KMT2C: variants seen among roughly 807,000 people sequenced by gnomAD.
KMT2C encodes histone-lysine N-methyltransferase 2C.
A neutral mutation model predicts 507.9 loss-of-function variants in KMT2C; 88 were observed. That is an observed-to-expected ratio of 0.17 (90% CI 0.15 to 0.21). The LOEUF (loss-of-function observed/expected upper bound fraction) is 0.21. Among genes scored for constraint, KMT2C ranks in the 10% least tolerant of loss-of-function variants. The probability of loss-of-function intolerance (pLI) is 1.00; values close to 1 mark genes in which losing one functional copy is unlikely to be tolerated. For missense variants in KMT2C, 4,954 were observed against 5,957.8 expected (o/e 0.83, Z 5.55); for synonymous variants, 2,049 against 2,080.8 (o/e 0.98, Z 0.42).
At chr7:152,192,414 C>A (rs1413962751) in intron 31 of KMT2C, among the ~76,000 whole-genome samples, 1 of 151,982 alleles carries the variant, frequency 6.6e-6, no homozygotes, top group Admixed American at 6.6e-5. Context: ...CAGTGGCAGG[C>A]ACCTGTAATC....
chr7:152,194,303 TAATTC>T (rs1386397830), intron 29 of KMT2C, 42 bp from the exon 30 acceptor site: 13 of 1,336,590 alleles, frequency 9.7e-6, no homozygotes, highest in Non-Finnish European at 1.3e-5. Flanking sequence ...TAACAGCTAC[TAATTC>T]AATATACTGA....
intron 6 of KMT2C, among the ~76,000 whole-genome samples, chr7:152,297,043 AAGAAAGAAAGACAGAGAGAGAGAGAG>A (rs2096512456): frequency 3.6e-5 from 3 of 83,464 alleles, no homozygotes; most frequent in African/African-American, 1.5e-4. Flanking sequence ...GAAAGAAAGA[AAGAAAGAAAGACAGAGAGAGAGAGAG>A]AGAGAGAGAG....
chr7:152,282,689 A>G (rs2096240668), intron 6 of KMT2C, among the ~76,000 whole-genome samples: 1 of 152,114 alleles, frequency 6.6e-6, no homozygotes, highest in Non-Finnish European at 1.5e-5. Context: ...GGAGTTAGGA[A>G]TAGTAACCAA....
At chr7:152,435,521 G>A in intron 1 of KMT2C, 105 bp downstream of exon 1, 9 of 540,724 alleles carry the variant, frequency 1.7e-5, no homozygotes, top group Non-Finnish European at 2.1e-5. Context: ...CCCCCACCCC[G>A]CCGGGGGGCG....
intron 7 of KMT2C, 87 bp from the exon 8 acceptor site, chr7:152,265,296 C>T (rs1333141188): frequency 6.4e-7 from 1 of 1,552,732 alleles, no homozygotes; most frequent in African/African-American, 1.4e-5. Context: ...AAAGGATTTG[C>T]ATCATGAACC....
At chr7:152,146,845 C>T in intron 52 of KMT2C, 110 bp from the exon 53 acceptor site, 1 of 948,100 alleles carries the variant, frequency 1.1e-6, no homozygotes, top group Non-Finnish European at 1.6e-6. Context: ...CCAAATAAAT[C>T]CTGTTGGGCA....
In KMT2C at chr7:152,152,689, A is replaced by G; in HGVS notation, c.12526+16T>C. 1 of 1,611,536 alleles carries G rather than the reference A, an allele frequency of 6.2e-7. No individual in the cohort carries two copies. Among genetic ancestry groups the G allele is most frequent in the East Asian group, 2.2e-5 (1 of 44,810 alleles). On this transcript the variant is annotated intron_variant, in intron 49 of 58. Transcript: ENST00000262189. ...CAGGAATGGATTTGGGGTTAACAAA[A>G]AGCTCACTAGCTCACCATTGCTTGT...
intron 23 of KMT2C, among the ~76,000 whole-genome samples, chr7:152,213,150 C>G (rs1376038536): frequency 6.6e-6 from 1 of 152,198 alleles, no homozygotes; most frequent in Admixed American, 6.5e-5. Flanking sequence ...CCAAAGTGAT[C>G]TACAGATTCA....
intron 37 of KMT2C, among the ~76,000 whole-genome samples, 162 bp downstream of exon 37, chr7:152,179,672 G>A (rs79259576): frequency 2.4e-5 from 3 of 125,892 alleles, no homozygotes; most frequent in East Asian, 2.6e-4. Flanking sequence ...GGGGGGGGGG[G>A]GGTGGTCTCA....
At position 152,181,016 on chromosome 7, in the gene KMT2C, C is replaced by T. The variant is rs776830146; in HGVS notation, c.6844G>A (p.Gly2282Ser). 6 of 1,614,142 alleles carry T rather than the reference C, an allele frequency of 3.7e-6. No individual in the cohort carries two copies. The highest frequency in any genetic ancestry group is 4.2e-6 in the Non-Finnish European group (5 of 1,180,032). ...ACACGGCTAAATGTGTCTGAAAGAC[C>T]AGGTCCAGGGGGCCTAGGTGTCTGG... ...CSQTPRPPGP[G>S]LSDTFSRVSP... is the part of the protein sequence containing the mutation. The change falls in exon 36 of 59, where the codon GGT (glycine) becomes AGT (serine). Residue 2282 changes from glycine to serine, a missense_variant. Physicochemically the swap from Gly to Ser is moderately conservative, Grantham distance 56. Transcript: ENST00000262189.
intron 44 of KMT2C, among the ~76,000 whole-genome samples, chr7:152,158,240 T>C (rs2092208836): frequency 6.6e-6 from 1 of 152,246 alleles, no homozygotes; most frequent in Non-Finnish European, 1.5e-5. Flanking sequence ...TCCCACCTTC[T>C]GTAACAACCA....
chr7:152,332,598 C>A (rs914419017), intron 2 of KMT2C, among the ~76,000 whole-genome samples: 2 of 152,144 alleles, frequency 1.3e-5, no homozygotes, highest in Admixed American at 6.6e-5. Flanking sequence ...GTAATCCCAG[C>A]ACTTTGGGAG....
chr7:152,215,458 G>A (rs890542124), intron 23 of KMT2C, among the ~76,000 whole-genome samples: 1 of 133,458 alleles, frequency 7.5e-6, no homozygotes, highest in African/African-American at 2.9e-5. Context: ...AGCTTGCAGT[G>A]AGCAAAGATC....
intron 27 of KMT2C, 72 bp from the exon 28 acceptor site, chr7:152,196,083 G>C: frequency 1.3e-6 from 1 of 751,922 alleles, no homozygotes. Flanking sequence ...TAAAAACCTA[G>C]AGTACAGCAG....
intron 43 of KMT2C, 26 bp from the exon 44 acceptor site, chr7:152,159,098 A>G: frequency 1.2e-6 from 2 of 1,602,788 alleles, no homozygotes; most frequent in Admixed American, 1.7e-5. Flanking sequence ...AGGGTAAAAA[A>G]TAAGTGAACA....
intron 40 of KMT2C, among the ~76,000 whole-genome samples, chr7:152,170,659 C>A (rs771330425): frequency 6.6e-6 from 1 of 152,076 alleles, no homozygotes. Flanking sequence ...TGCGCCACCA[C>A]GCCTGACTAA....
intron 2 of KMT2C, among the ~76,000 whole-genome samples, chr7:152,342,028 C>T (rs773944323): frequency 3.7e-4 from 57 of 152,276 alleles, no homozygotes; most frequent in Admixed American, 1.8e-3. Flanking sequence ...TAAAGTAACA[C>T]GTGTATGGCT....
At chr7:152,307,173 GAGGAAGGAAGGAAAGAAGAGGGAGGA>G in intron 6 of KMT2C, among the ~76,000 whole-genome samples, 1 of 142,656 alleles carries the variant, frequency 7.0e-6, no homozygotes, top group African/African-American at 2.6e-5. Flanking sequence ...GAGGAAAGAA[GAGGAAGGAAGGAAAGAAGAGGGAGGA>G]AGGAAGGAAG....
At chr7:152,221,663 G>A (rs1291693200) in intron 22 of KMT2C, among the ~76,000 whole-genome samples, 2 of 152,164 alleles carry the variant, frequency 1.3e-5, no homozygotes, top group African/African-American at 2.4e-5. Flanking sequence ...TTAAGAGATT[G>A]AATTAATTCT....
Sources: gnomAD v4.1 joint callset for allele counts (sites outside exome capture counted in the v4.1 genomes callset) on GRCh38, gnomAD v4.1.1 for gene constraint, MANE v1.5 for transcripts, NCBI Gene and HGNC (gene_info 2026-07-23, HGNC 2026-07-21) for gene names.